The following WHRN variants were observed in gnomAD, a reference collection of about 807,000 sequenced individuals.
WHRN encodes the protein whirlin, also known as CASK-interacting protein CIP98.
A neutral mutation model predicts 68.3 loss-of-function variants in WHRN; 41 were observed. That is an observed-to-expected ratio of 0.60 (90% confidence interval 0.47 to 0.78). The LOEUF (loss-of-function observed/expected upper bound fraction) is 0.78, where lower values mean the gene tolerates loss of function less well. Ranked by LOEUF, WHRN falls within the 30% of genes least tolerant of loss-of-function variation. WHRN has a pLI of 0.00. For synonymous variants in WHRN, 560 were observed against 561.3 expected (o/e 1.00, Z 0.03); for missense variants, 1,243 against 1,244.7 (o/e 1.00, Z 0.02).
intron 7 of WHRN, among the ~76,000 whole-genome samples, chr9:114,422,111 C>T (rs1258605641): frequency 1.3e-5 from 2 of 152,156 alleles, no homozygotes; most frequent in East Asian, 3.9e-4. Flanking sequence ...ATAACCATGG[C>T]CATCACTGCA....
chr9:114,436,076 C>G (rs1837824123), intron 3 of WHRN, among the ~76,000 whole-genome samples: 1 of 152,108 alleles, frequency 6.6e-6, no homozygotes, highest in African/African-American at 2.4e-5. Context: ...AATAAAAATG[C>G]ACAGGGAAAA....
At chr9:114,425,512 G>C (rs1836746099) in intron 4 of WHRN, 1 of 314,510 alleles carries the variant, frequency 3.2e-6, no homozygotes, top group African/African-American at 2.1e-5. Flanking sequence ...TAGAAAACCT[G>C]GTATCTTTCT....
At position 114,505,138 on chromosome 9, in the gene WHRN, T is replaced by G; in HGVS notation, c.-337A>C. 1.1e-5 allele frequency: 3 copies of G among 268,594 alleles called. No homozygotes were observed. Among genetic ancestry groups the G allele is most frequent in the Non-Finnish European group, 1.4e-5 (2 of 144,926 alleles). 16.6% of individuals were successfully genotyped at this position (268,594 alleles called of 1,614,324 possible). On this transcript the variant is annotated 5_prime_UTR_variant, in exon 1 of 12. The change abolishes an upstream ATG in the 5' untranslated region. Transcript: ENST00000362057. ...GGGGGGCGCGGGGTCAGCAGCTACA[T>G]TCTGGAGGGCACGGAGACGACGGGT...
At chr9:114,451,611 T>A (rs2132716051) in intron 3 of WHRN, among the ~76,000 whole-genome samples, 1 of 151,166 alleles carries the variant, frequency 6.6e-6, no homozygotes, top group East Asian at 2.0e-4. Context: ...CGCTCCTCCC[T>A]AATTTTCACA....
intron 3 of WHRN, among the ~76,000 whole-genome samples, chr9:114,445,659 C>T (rs1838758887): frequency 6.6e-6 from 1 of 152,136 alleles, no homozygotes; most frequent in Admixed American, 6.5e-5. Context: ...TAGAGTGGGT[C>T]TAGGCCCTCG....
chr9:114,411,944 T>C (rs1332973334), intron 7 of WHRN, among the ~76,000 whole-genome samples: 2 of 152,202 alleles, frequency 1.3e-5, no homozygotes, highest in Non-Finnish European at 2.9e-5. Context: ...AGCAACCCTC[T>C]TGGAAATGAG....
chr9:114,454,478 C>T (rs1839601992), intron 3 of WHRN, among the ~76,000 whole-genome samples: 1 of 152,032 alleles, frequency 6.6e-6, no homozygotes, highest in African/African-American at 2.4e-5. Context: ...AAAACAGTAC[C>T]ATTTATAATA....
chr9:114,406,368 C>T lies in WHRN; in HGVS notation c.2223G>A (p.Leu741=), dbSNP rs1441256603. The T allele has an allele frequency of 6.2e-7, 1 of 1,614,124 alleles. No individual in the cohort carries two copies. Among genetic ancestry groups the T allele is most frequent in the Admixed American group, 1.7e-5 (1 of 60,036 alleles). Residue 741 remains leucine, a synonymous_variant, in exon 9 of 12, where the codon CTG becomes CTA. Transcript: ENST00000362057. The stretch of plus-strand genomic sequence containing the variant: ...TGCTGTACTCACTGCGCGTCTGGGG[C>T]AGCGCCCTCACTTCATTGACGTCTG... ...SEPDVNEVRA[L]PQTRTASTLS...
intron 3 of WHRN, among the ~76,000 whole-genome samples, chr9:114,432,353 C>A (rs1442734270): frequency 2.0e-5 from 3 of 152,232 alleles, no homozygotes; most frequent in Non-Finnish European, 4.4e-5. Flanking sequence ...ACCCTCGTAA[C>A]AGCGGAAACA....
intron 7 of WHRN, among the ~76,000 whole-genome samples, chr9:114,422,776 A>AGT (rs541703541): frequency 8.3e-4 from 126 of 152,340 alleles, no homozygotes; most frequent in African/African-American, 2.9e-3. Flanking sequence ...TGGAGGTTGC[A>AGT]GTGAGCCAAG....
At chr9:114,417,685 T>G (rs1341844042) in intron 7 of WHRN, among the ~76,000 whole-genome samples, 6 of 152,240 alleles carry the variant, frequency 3.9e-5, no homozygotes, top group Non-Finnish European at 8.8e-5. Context: ...TCAGCATTAC[T>G]GCAGCAAAAG....
chr9:114,434,734 T>C (rs1360902962), intron 3 of WHRN, among the ~76,000 whole-genome samples: 2 of 152,196 alleles, frequency 1.3e-5, no homozygotes, highest in Non-Finnish European at 2.9e-5. Flanking sequence ...TCCCTGCTTC[T>C]ACTTTCACCA....
At chr9:114,489,042 G>A (rs1842756810) in intron 1 of WHRN, among the ~76,000 whole-genome samples, 1 of 152,172 alleles carries the variant, frequency 6.6e-6, no homozygotes. Flanking sequence ...CACCTGAGCT[G>A]TCTTATAGGA....
chr9:114,455,968 A>G (rs1589172406), intron 3 of WHRN, among the ~76,000 whole-genome samples: 1 of 152,282 alleles, frequency 6.6e-6, no homozygotes, highest in East Asian at 1.9e-4. Flanking sequence ...TTCATAGTGA[A>G]GTATTGAATA....
At chr9:114,430,049 C>T (rs374376970) in intron 3 of WHRN, among the ~76,000 whole-genome samples, 3 of 152,188 alleles carry the variant, frequency 2.0e-5, no homozygotes, top group East Asian at 1.9e-4. Flanking sequence ...GCTTTCGTTG[C>T]GCTAAGGGCA....
At chr9:114,495,356 T>G (rs1843362871) in intron 1 of WHRN, among the ~76,000 whole-genome samples, 1 of 152,074 alleles carries the variant, frequency 6.6e-6, no homozygotes, top group Non-Finnish European at 1.5e-5. Flanking sequence ...ATGCTACAGT[T>G]CGGCAGTGCT....
chr9:114,436,476 T>A (rs1439514161), intron 3 of WHRN, among the ~76,000 whole-genome samples: 1 of 152,154 alleles, frequency 6.6e-6, no homozygotes, highest in Non-Finnish European at 1.5e-5. Flanking sequence ...AGAGGAGGTA[T>A]AATGGGAACT....
intron 7 of WHRN, among the ~76,000 whole-genome samples, chr9:114,412,611 T>C (rs1404445122): frequency 6.6e-6 from 1 of 152,262 alleles, no homozygotes; most frequent in African/African-American, 2.4e-5. Context: ...AGAGCCAAGA[T>C]GACCTGCTGT....
intron 6 of WHRN, among the ~76,000 whole-genome samples, chr9:114,423,929 G>A (rs1836554364): frequency 6.6e-6 from 1 of 152,060 alleles, no homozygotes; most frequent in South Asian, 2.1e-4. Flanking sequence ...ACAGTTTCTG[G>A]ACCTCAAACA....
Sources: gnomAD v4.1 joint callset for allele counts (sites outside exome capture counted in the v4.1 genomes callset) on GRCh38, gnomAD v4.1.1 for gene constraint, MANE v1.5 for transcripts, NCBI Gene and HGNC (gene_info 2026-07-23, HGNC 2026-07-21) for gene names.